P2RX5: variants seen among roughly 807,000 people sequenced by gnomAD.
P2RX5 encodes purinergic receptor P2X 5.
P2RX5 carries 46 observed loss-of-function variants against 54.1 expected under a neutral mutation model. That is an observed-to-expected ratio of 0.85 (90% CI 0.67 to 1.09). The LOEUF (loss-of-function observed/expected upper bound fraction) is 1.09, where lower values mean the gene tolerates loss of function less well. P2RX5 is among the 50% of genes least tolerant of loss of function. The pLI, the probability that P2RX5 is intolerant of heterozygous loss-of-function variation, is 0.00. For missense variants in P2RX5, 566 were observed against 549.8 expected, an observed-to-expected ratio of 1.03 and a Z score of -0.29; for synonymous variants, 226 against 226.4, an observed-to-expected ratio of 1.00 and a Z score of 0.02.
In P2RX5 at chr17:3,690,152, T is replaced by C. The variant is rs1264179347; in HGVS notation, c.534-2A>G. On this transcript the variant is annotated splice_acceptor_variant, in intron 5 of 11. Coordinates refer to ENST00000225328, the MANE Select transcript of P2RX5 (RefSeq NM_002561.4). LOFTEE classifies it high-confidence loss of function. ...TCGGCCTCCTTCAGGAATGGCTCCCTGAAAACCAACCCAGAACAGCCTGTC... is the reference window on the plus strand; with the variant it reads ...TCGGCCTCCTTCAGGAATGGCTCCCCGAAAACCAACCCAGAACAGCCTGTC... 2.5e-6 allele frequency: 4 copies of C among 1,614,038 alleles called. No homozygotes were observed. Among genetic ancestry groups the C allele is most frequent in the Admixed American group, 1.7e-5 (1 of 60,036 alleles).
chr17:3,715,267 G>C, the P2RX5 span, among the ~76,000 whole-genome samples: 1 of 152,136 alleles, frequency 6.6e-6, no homozygotes, highest in Admixed American at 6.5e-5. Context: ...ACTCAGTATA[G>C]CCTATGATGC....
chr17:3,693,446 G>A (rs1466870218), intron 1 of P2RX5, among the ~76,000 whole-genome samples: 1 of 152,146 alleles, frequency 6.6e-6, no homozygotes, highest in Admixed American at 6.6e-5. Context: ...CCAAGAGATT[G>A]AGAACATGGC....
the P2RX5 span, among the ~76,000 whole-genome samples, chr17:3,714,219 AC>A: frequency 7.5e-6 from 1 of 132,912 alleles, no homozygotes; most frequent in Non-Finnish European, 1.7e-5. Context: ...GAGCCACCGC[AC>A]CCCGCCTATT....
the P2RX5 span, among the ~76,000 whole-genome samples, chr17:3,703,412 C>T: frequency 1.2e-4 from 19 of 152,046 alleles, no homozygotes; most frequent in Non-Finnish European, 2.4e-4. Flanking sequence ...CCTGTGGTCC[C>T]AGCTCCTTGG....
chr17:3,716,804 C>T, the P2RX5 span: 1 of 1,482,170 alleles, frequency 6.7e-7, no homozygotes, highest in Non-Finnish European at 9.4e-7. Context: ...GTGATCTAGA[C>T]AAGACAAAGA....
chr17:3,695,874 C>G lies in P2RX5; in HGVS notation c.132G>C (p.Leu44=). 6.2e-7 allele frequency: 1 copy of G among 1,613,968 alleles called. No individual in the cohort carries two copies. The highest frequency in any genetic ancestry group is 8.5e-7 in the Non-Finnish European group (1 of 1,179,946). The change falls in exon 1 of 12, where the codon CTG becomes CTC. Residue 44 remains leucine (L), a synonymous_variant. Coordinates refer to ENST00000225328, the MANE Select transcript of P2RX5 (RefSeq NM_002561.4). Reference sequence around the variant, plus strand: ...AAAGTCCGCGGAGAACTTACACGACCAGGTACGCCAGGATGGAGGCCTGCA... The same window carrying G: ...AAAGTCCGCGGAGAACTTACACGACGAGGTACGCCAGGATGGAGGCCTGCA... ...RLLQASILAY[L]VVWVFLIKKG...
chr17:3,723,590 G>A, the P2RX5 span: 1 of 1,304,070 alleles, frequency 7.7e-7, no homozygotes, highest in African/African-American at 1.5e-5. Context: ...CCCGGCACTG[G>A]CCGGCAGGGG....
chr17:3,676,564 C>T (rs222765), intron 11 of P2RX5: 402,359 of 984,850 alleles, frequency 0.41, 84,466 homozygotes, highest in African/African-American at 0.65. Flanking sequence ...GGTCTCTAGG[C>T]AGCATGCGTG....
In P2RX5 at chr17:3,677,103, A is replaced by G; in HGVS notation, c.1259+2487T>C. On this transcript the variant is annotated intron_variant, in intron 11 of 11. Coordinates refer to ENST00000225328, the MANE Select transcript of P2RX5 (RefSeq NM_002561.4). ...AAAAAGCAAGGCCCTACAGCGATGGAGGCAGAGAGCAGCTGAGGGTGCGGT... is the reference window on the plus strand; with the variant it reads ...AAAAAGCAAGGCCCTACAGCGATGGGGGCAGAGAGCAGCTGAGGGTGCGGT... The G allele has an allele frequency of 4.1e-6, 4 of 985,360 alleles. No homozygotes were observed. The South Asian group carries it at 1.9e-4, about 46-fold the overall frequency. The allele number at this position is 985,360 out of a possible 1,614,324, so 61.0% of individuals were successfully genotyped here.
upstream of P2RX5, among the ~76,000 whole-genome samples, chr17:3,699,824 A>AAG (rs71153388): frequency 2.7e-3 from 313 of 115,878 alleles, 7 homozygotes; most frequent in African/African-American, 9.0e-3. Context: ...GAAAGAGAGA[A>AAG]AGAGAGAGAG....
chr17:3,718,974 G>A, the P2RX5 span, among the ~76,000 whole-genome samples: 4 of 152,140 alleles, frequency 2.6e-5, no homozygotes, highest in African/African-American at 7.2e-5. Context: ...GCTCATGCCT[G>A]TAATCCCAGC....
chr17:3,705,656 T>G, the P2RX5 span, among the ~76,000 whole-genome samples: 1 of 152,104 alleles, frequency 6.6e-6, no homozygotes, highest in Admixed American at 6.6e-5. Context: ...CTGCATGAAG[T>G]AGGTAGTCAC....
At chr17:3,677,899 G>C in intron 11 of P2RX5, 1 of 985,366 alleles carries the variant, frequency 1.0e-6, no homozygotes, top group South Asian at 4.7e-5. Context: ...TGACCATTGG[G>C]AGGCTCCCCT....
chr17:3,699,874 A>AAAGG (rs771611154), upstream of P2RX5, among the ~76,000 whole-genome samples: 1,555 of 42,512 alleles, frequency 0.037, 159 homozygotes, highest in African/African-American at 0.094. Flanking sequence ...AGAAAGAAAG[A>AAAGG]AAGGAAGGAA....
rs1214096247 is a variant in P2RX5 at position 3,688,181 on chromosome 17, C to G, written c.888-76G>C. 4 of 817,674 alleles carry G rather than the reference C, an allele frequency of 4.9e-6. No homozygotes were observed. The Admixed American group carries it at 6.0e-5, about 12-fold the overall frequency. The allele number at this position is 817,674 out of a possible 1,614,324, so 50.7% of individuals were successfully genotyped here. On this transcript the variant is annotated intron_variant, in intron 8 of 11. Transcript: ENST00000225328. ...TTTAGGCAGCACTGATGTGGCTGCT[C>G]TGGGGACTTAGAAGGACTCCCGGAA... is the stretch of plus-strand genomic sequence containing the variant.
the P2RX5 span, among the ~76,000 whole-genome samples, chr17:3,704,876 C>T: frequency 5.3e-5 from 8 of 152,208 alleles, no homozygotes; most frequent in East Asian, 1.5e-3. Context: ...TGTGATGATG[C>T]GTGCCTGGAA....
At chr17:3,706,652 G>C in the P2RX5 span, among the ~76,000 whole-genome samples, 2 of 152,108 alleles carry the variant, frequency 1.3e-5, no homozygotes, top group African/African-American at 4.8e-5. Flanking sequence ...GAGCCTTCGG[G>C]GGTCGGAGCA....
chr17:3,677,258 C>A (rs2050125410), intron 11 of P2RX5: 1 of 985,314 alleles, frequency 1.0e-6, no homozygotes, highest in Non-Finnish European at 1.2e-6. Context: ...GGCCCAGCCT[C>A]TGAGGAGGGG....
At chr17:3,702,282 A>G in the P2RX5 span, among the ~76,000 whole-genome samples, 2 of 152,106 alleles carry the variant, frequency 1.3e-5, no homozygotes, top group Non-Finnish European at 2.9e-5. Context: ...CCTCTGTAAA[A>G]GCGCACCAAT....
Sources: gnomAD v4.1 joint callset for allele counts (sites outside exome capture counted in the v4.1 genomes callset) on GRCh38, gnomAD v4.1.1 for gene constraint, MANE v1.5 for transcripts, NCBI Gene and HGNC (gene_info 2026-07-23, HGNC 2026-07-21) for gene names.